ST8SIA1: variants seen among roughly 807,000 people sequenced by gnomAD.
ST8SIA1 encodes the protein ST8 alpha-N-acetyl-neuraminide alpha-2,8-sialyltransferase 1, also known as alpha-N-acetylneuraminide alpha-2,8-sialyltransferase.
In ST8SIA1, 16 loss-of-function variants were observed where a neutral mutation model predicts 35.9. That is an observed-to-expected ratio of 0.45 (90% confidence interval 0.30 to 0.68). ST8SIA1 has a LOEUF of 0.68. ST8SIA1 is among the 30% of genes least tolerant of loss of function. The pLI is 0.09. For missense variants in ST8SIA1, 383 were observed against 453.6 expected, an observed-to-expected ratio of 0.84 and a Z score of 1.41; for synonymous variants, 170 against 169.6, an observed-to-expected ratio of 1.00 and a Z score of -0.02.
chr12:22,319,866 T>A (rs990347620), intron 1 of ST8SIA1, among the ~76,000 whole-genome samples: 18 of 152,156 alleles, frequency 1.2e-4, no homozygotes, highest in Admixed American at 1.1e-3. Context: ...ACGAGCTTCC[T>A]AAGCAAGAAG....
chr12:22,262,549 G>A (rs1314130022), intron 2 of ST8SIA1, among the ~76,000 whole-genome samples: 1 of 152,170 alleles, frequency 6.6e-6, no homozygotes, highest in Non-Finnish European at 1.5e-5. Context: ...AATGATAATT[G>A]TGTGACCTCT....
chr12:22,264,076 T>G (rs114578280), intron 2 of ST8SIA1, among the ~76,000 whole-genome samples: 62 of 152,274 alleles, frequency 4.1e-4, no homozygotes, highest in African/African-American at 1.5e-3. Context: ...CCACACACAA[T>G]TATGCTTCAT....
At chr12:22,333,963 C>T (rs1334773729) in intron 1 of ST8SIA1, 34 bp downstream of exon 1, 9 of 1,592,222 alleles carry the variant, frequency 5.7e-6, no homozygotes, top group Non-Finnish European at 6.9e-6. Context: ...GAGGAAAGGA[C>T]GCTAGAGGGG....
chr12:22,311,206 G>A (rs998054187), intron 1 of ST8SIA1, among the ~76,000 whole-genome samples: 1 of 152,130 alleles, frequency 6.6e-6, no homozygotes, highest in Admixed American at 6.5e-5. Flanking sequence ...ATAAGATGCA[G>A]TTTCTGTCCA....
chr12:22,308,671 C>T (rs1297790357), intron 1 of ST8SIA1, among the ~76,000 whole-genome samples: 1 of 152,136 alleles, frequency 6.6e-6, no homozygotes, highest in African/African-American at 2.4e-5. Flanking sequence ...TCTACTGAAA[C>T]TGCCCTCTTA....
chr12:22,249,791 T>A (rs1865648795), intron 3 of ST8SIA1, among the ~76,000 whole-genome samples: 1 of 152,216 alleles, frequency 6.6e-6, no homozygotes, highest in Non-Finnish European at 1.5e-5. Flanking sequence ...GACAGTGTGA[T>A]ACACTAGAGG....
intron 4 of ST8SIA1, among the ~76,000 whole-genome samples, chr12:22,239,389 T>C (rs1282744561): frequency 6.6e-6 from 1 of 152,194 alleles, no homozygotes; most frequent in Non-Finnish European, 1.5e-5. Flanking sequence ...TATAGCCTCA[T>C]TATCTGGAAA....
chr12:22,299,455 G>T (rs762772204), intron 1 of ST8SIA1, among the ~76,000 whole-genome samples: 2 of 152,042 alleles, frequency 1.3e-5, no homozygotes, highest in African/African-American at 2.4e-5. Context: ...ATGAAAGAGG[G>T]ATGTTCAGGA....
At chr12:22,276,025 T>C (rs1486830209) in intron 2 of ST8SIA1, among the ~76,000 whole-genome samples, 2 of 152,126 alleles carry the variant, frequency 1.3e-5, no homozygotes, top group African/African-American at 4.8e-5. Flanking sequence ...GTCAGGGGAA[T>C]GATATGGAGG....
chr12:22,256,901 A>G (rs960688573), intron 2 of ST8SIA1, among the ~76,000 whole-genome samples: 7 of 152,344 alleles, frequency 4.6e-5, no homozygotes, highest in African/African-American at 1.7e-4. Flanking sequence ...TGGAATCAAC[A>G]CTAGAAAAAC....
intron 2 of ST8SIA1, among the ~76,000 whole-genome samples, chr12:22,280,765 C>T (rs1565585421): frequency 6.6e-6 from 1 of 152,156 alleles, no homozygotes; most frequent in Non-Finnish European, 1.5e-5. Flanking sequence ...TTTTCCTTTC[C>T]CTATGAAGAT....
At chr12:22,223,966 A>C (rs1865329033) in intron 4 of ST8SIA1, among the ~76,000 whole-genome samples, 1 of 152,198 alleles carries the variant, frequency 6.6e-6, no homozygotes, top group South Asian at 2.1e-4. Flanking sequence ...TGTTATTATG[A>C]ATTCAAAAGG....
At chr12:22,278,028 C>T (rs1042134033) in intron 2 of ST8SIA1, among the ~76,000 whole-genome samples, 2 of 152,172 alleles carry the variant, frequency 1.3e-5, no homozygotes, top group African/African-American at 4.8e-5. Flanking sequence ...CAGTCCCTAC[C>T]ACACAGCAGT....
chr12:22,314,892 C>G (rs576355699), intron 1 of ST8SIA1, among the ~76,000 whole-genome samples: 1 of 152,146 alleles, frequency 6.6e-6, no homozygotes, highest in Non-Finnish European at 1.5e-5. Context: ...TCATCCTAAC[C>G]GCCCAAGGTT....
At chr12:22,243,172 T>C (rs551678033) in intron 4 of ST8SIA1, among the ~76,000 whole-genome samples, 29 of 152,360 alleles carry the variant, frequency 1.9e-4, no homozygotes, top group South Asian at 8.3e-4. Flanking sequence ...AACAGAATTT[T>C]ACAGTGAAAA....
intron 1 of ST8SIA1, among the ~76,000 whole-genome samples, chr12:22,304,857 C>T (rs1866364857): frequency 6.6e-6 from 1 of 152,218 alleles, no homozygotes. Flanking sequence ...TCTCCTCTTA[C>T]AGTCCTATGG....
At chr12:22,270,351 T>C (rs1011938254) in intron 2 of ST8SIA1, among the ~76,000 whole-genome samples, 4 of 152,216 alleles carry the variant, frequency 2.6e-5, no homozygotes, top group South Asian at 2.1e-4. Flanking sequence ...CAACAAACTA[T>C]AGTTGTAGAG....
chr12:22,287,341 GA>G lies in ST8SIA1; in HGVS notation c.237-49del, dbSNP rs1565587271. On this transcript the variant is annotated intron_variant, in intron 1 of 4. Transcript: ENST00000396037. The stretch of plus-strand genomic sequence containing the variant: ...AGAAAAGAACAGCAGGTTAAATGAG[GA>G]GCAGATTCATTCACTTGTCATTCCC... 3 of 1,577,134 alleles carry G rather than the reference GA, an allele frequency of 1.9e-6. No homozygotes were observed. The Admixed American group carries it at 5.3e-5, about 28-fold the overall frequency.
chr12:22,327,839 C>A (rs907316565), intron 1 of ST8SIA1, among the ~76,000 whole-genome samples: 2 of 152,118 alleles, frequency 1.3e-5, no homozygotes, highest in African/African-American at 4.8e-5. Context: ...CAACTTGAGC[C>A]CACAGAGACA....
Sources: allele counts gnomAD v4.1 joint callset (sites outside exome capture counted in the v4.1 genomes callset), GRCh38; gene constraint gnomAD v4.1.1; transcripts MANE v1.5; gene names NCBI Gene and HGNC (gene_info 2026-07-23, HGNC 2026-07-21).